CDH12: variants seen among roughly 807,000 people sequenced by gnomAD.
The protein encoded by CDH12 is cadherin 12.
CDH12 carries 41 observed loss-of-function variants against 74.1 expected under a neutral mutation model. The observed-to-expected ratio is 0.55, with a 90% CI of 0.43 to 0.72. The LOEUF (loss-of-function observed/expected upper bound fraction) is 0.72, where lower values mean the gene tolerates loss of function less well. Among genes scored for constraint, CDH12 ranks in the 30% least tolerant of loss-of-function variants. The pLI is 0.00. For synonymous variants in CDH12, 399 were observed against 355.0 expected, an observed-to-expected ratio of 1.12 and a Z score of -1.39; for missense variants, 945 against 977.2, an observed-to-expected ratio of 0.97 and a Z score of 0.44.
At chr5:22,380,979 G>C (rs1261371) in intron 3 of CDH12, among the ~76,000 whole-genome samples, 51,171 of 151,900 alleles carry the variant, frequency 0.34, 10,101 homozygotes, top group Admixed American at 0.46. Flanking sequence ...ATATTATACT[G>C]TATAAGAAGT....
chr5:22,345,508 G>A (rs749096716), intron 3 of CDH12, among the ~76,000 whole-genome samples: 19 of 152,114 alleles, frequency 1.2e-4, no homozygotes, highest in Non-Finnish European at 2.2e-4. Context: ...AGAACTTGAT[G>A]TAAGTTACCT....
chr5:21,908,607 T>G (rs1041940071), intron 6 of CDH12, among the ~76,000 whole-genome samples: 3 of 152,152 alleles, frequency 2.0e-5, no homozygotes, highest in Non-Finnish European at 4.4e-5. Flanking sequence ...GGGTCATATC[T>G]CTTAATATCT....
intron 3 of CDH12, among the ~76,000 whole-genome samples, chr5:22,365,730 C>T (rs951074235): frequency 6.6e-5 from 10 of 152,224 alleles, no homozygotes; most frequent in Non-Finnish European, 1.2e-4. Context: ...TTGTTTTGAA[C>T]GACTTCCCTC....
intron 3 of CDH12, among the ~76,000 whole-genome samples, chr5:22,336,117 C>T (rs181709453): frequency 1.6e-4 from 24 of 152,220 alleles, no homozygotes; most frequent in African/African-American, 4.6e-4. Context: ...TGGCATTTTG[C>T]CCCTGTCCTA....
chr5:22,364,051 A>G (rs576561874), intron 3 of CDH12, among the ~76,000 whole-genome samples: 5 of 152,338 alleles, frequency 3.3e-5, no homozygotes, highest in African/African-American at 1.2e-4. Flanking sequence ...AGTCTGCAGT[A>G]ACGCAGGTGT....
intron 5 of CDH12, among the ~76,000 whole-genome samples, chr5:22,000,298 A>G (rs1416899147): frequency 1.3e-5 from 2 of 151,810 alleles, no homozygotes; most frequent in Non-Finnish European, 2.9e-5. Flanking sequence ...TTTTTTGGTT[A>G]TTTGTTTTTA....
At chr5:22,165,119 G>T (rs1170856001) in intron 4 of CDH12, among the ~76,000 whole-genome samples, 1 of 151,746 alleles carries the variant, frequency 6.6e-6, no homozygotes, top group African/African-American at 2.4e-5. Context: ...CAGCCAAAGG[G>T]GCTGGTTAAA....
intron 1 of CDH12, among the ~76,000 whole-genome samples, chr5:22,771,828 C>T (rs1330076708): frequency 6.6e-6 from 1 of 152,090 alleles, no homozygotes; most frequent in Non-Finnish European, 1.5e-5. Context: ...AGGTAAGCTG[C>T]CTGCTGGACT....
intron 1 of CDH12, among the ~76,000 whole-genome samples, chr5:22,648,290 T>C (rs1404614172): frequency 6.6e-6 from 1 of 151,882 alleles, no homozygotes; most frequent in Non-Finnish European, 1.5e-5. Context: ...TTCTACTATT[T>C]CATAGAGTAC....
intron 6 of CDH12, among the ~76,000 whole-genome samples, chr5:21,953,668 G>C (rs1002169831): frequency 6.6e-6 from 1 of 152,166 alleles, no homozygotes; most frequent in Non-Finnish European, 1.5e-5. Flanking sequence ...AAAACATTTT[G>C]TAGAGATGTA....
intron 1 of CDH12, among the ~76,000 whole-genome samples, chr5:22,574,910 A>G (rs1397199689): frequency 6.6e-6 from 1 of 152,158 alleles, no homozygotes; most frequent in East Asian, 1.9e-4. Flanking sequence ...CACATTCCCA[A>G]TATGTGAAAG....
At chr5:21,895,513 T>C (rs1435690909) in intron 6 of CDH12, among the ~76,000 whole-genome samples, 1 of 152,186 alleles carries the variant, frequency 6.6e-6, no homozygotes, top group South Asian at 2.1e-4. Context: ...CAGTCTTCAG[T>C]CCATTAGAGC....
intron 1 of CDH12, among the ~76,000 whole-genome samples, chr5:22,613,971 C>T (rs1737553859): frequency 6.6e-6 from 1 of 151,996 alleles, no homozygotes; most frequent in Non-Finnish European, 1.5e-5. Flanking sequence ...AAGTCTAAAG[C>T]AGACATATAT....
At chr5:22,707,962 G>A (rs1472678636) in intron 1 of CDH12, among the ~76,000 whole-genome samples, 1 of 151,980 alleles carries the variant, frequency 6.6e-6, no homozygotes, top group East Asian at 1.9e-4. Context: ...TTTCTAATCG[G>A]CTCTATAACA....
At chr5:21,800,335 G>A (rs537432232) in intron 10 of CDH12, among the ~76,000 whole-genome samples, 4 of 152,228 alleles carry the variant, frequency 2.6e-5, no homozygotes, top group African/African-American at 9.6e-5. Flanking sequence ...TAAATTTGGG[G>A]TGGGCAGAAT....
chr5:22,830,254 A>C (rs954605276), intron 1 of CDH12, among the ~76,000 whole-genome samples: 1 of 152,142 alleles, frequency 6.6e-6, no homozygotes, highest in Admixed American at 6.5e-5. Flanking sequence ...GTTTAAGAAA[A>C]GTTTTGTTTA....
At chr5:21,922,324 G>A (rs1359542125) in intron 6 of CDH12, among the ~76,000 whole-genome samples, 1 of 152,056 alleles carries the variant, frequency 6.6e-6, no homozygotes, top group Non-Finnish European at 1.5e-5. Flanking sequence ...TGCTACAAGA[G>A]GACTGTTAGG....
At chr5:22,031,922 CACAA>C (rs146004284) in intron 5 of CDH12, among the ~76,000 whole-genome samples, 10,786 of 151,904 alleles carry the variant, frequency 0.071, 529 homozygotes, top group South Asian at 0.12. Context: ...CAAAACGTGA[CACAA>C]ACACACAAAG....
intron 2 of CDH12, among the ~76,000 whole-genome samples, chr5:22,460,374 G>T (rs994756660): frequency 1.3e-5 from 2 of 151,938 alleles, no homozygotes; most frequent in African/African-American, 2.4e-5. Context: ...ACCACTGTTT[G>T]GCTCTCTGCT....
Sources: allele counts gnomAD v4.1 joint callset (sites outside exome capture counted in the v4.1 genomes callset), GRCh38; gene constraint gnomAD v4.1.1; transcripts MANE v1.5; gene names NCBI Gene and HGNC (gene_info 2026-07-23, HGNC 2026-07-21).